The following PWP1 variants were observed in gnomAD, a reference collection of about 807,000 sequenced individuals.
PWP1 encodes PWP1 homolog, endonuclein.
A neutral mutation model predicts 69.9 loss-of-function variants in PWP1; 47 were observed. That is an observed-to-expected ratio of 0.67 (90% CI 0.53 to 0.86). The LOEUF is 0.86. Among genes scored for constraint, PWP1 ranks in the 40% least tolerant of loss-of-function variants. The pLI is 0.00. For synonymous variants in PWP1, 222 were observed against 208.2 expected (o/e 1.07, Z -0.57); for missense variants, 551 against 608.8 (o/e 0.91, Z 1.00).
At chr12:107,689,606 C>T (rs145882899) in intron 3 of PWP1, among the ~76,000 whole-genome samples, 5 of 152,246 alleles carry the variant, frequency 3.3e-5, no homozygotes, top group Non-Finnish European at 5.9e-5. Context: ...CTTAGCCAGG[C>T]GTGGTGGCGC....
chr12:107,698,375 G>C (rs1372204750), intron 7 of PWP1, among the ~76,000 whole-genome samples: 1 of 151,868 alleles, frequency 6.6e-6, no homozygotes, highest in African/African-American at 2.4e-5. Context: ...AAAAAGAACT[G>C]CTAGGCCAGT....
rs1889893686 is a variant in PWP1 at position 107,709,251 on chromosome 12, A to T, written c.1290+19A>T. The T allele has an allele frequency of 1.2e-5, 19 of 1,609,114 alleles. No individual in the cohort carries two copies. Among genetic ancestry groups the T allele is most frequent in the Non-Finnish European group, 1.5e-5 (18 of 1,177,412 alleles). ...GAAAATGGTAAGAATCTCCCTGGGTATCTGTTTTTTATTTATTCTGTTTCT... is the reference window on the plus strand; with the variant it reads ...GAAAATGGTAAGAATCTCCCTGGGTTTCTGTTTTTTATTTATTCTGTTTCT... On this transcript the variant is annotated intron_variant, in intron 13 of 14. Transcript: ENST00000412830.
chr12:107,698,537 A>G (rs1889639450), intron 7 of PWP1, among the ~76,000 whole-genome samples: 2 of 152,212 alleles, frequency 1.3e-5, no homozygotes. Flanking sequence ...CTAAAAAAAT[A>G]AACTACTATA....
At chr12:107,704,427 G>A (rs916502383) in intron 10 of PWP1, among the ~76,000 whole-genome samples, 2 of 152,182 alleles carry the variant, frequency 1.3e-5, no homozygotes, top group Non-Finnish European at 2.9e-5. Flanking sequence ...CCACTGTAAC[G>A]TTAGAGGCAC....
chr12:107,690,586 C>A (rs1451080273), intron 3 of PWP1, among the ~76,000 whole-genome samples: 1 of 152,124 alleles, frequency 6.6e-6, no homozygotes, highest in Admixed American at 6.5e-5. Flanking sequence ...GCCTTAGCCT[C>A]CCGAATGCTG....
chr12:107,710,576 C>T, intron 14 of PWP1, 66 bp downstream of exon 14: 1 of 1,293,868 alleles, frequency 7.7e-7, no homozygotes, highest in Non-Finnish European at 1.0e-6. Flanking sequence ...AAAAAAAAGA[C>T]AGGGTCTCAC....
At chr12:107,686,274 G>A (rs1340971773) in intron 1 of PWP1, 5 of 495,000 alleles carry the variant, frequency 1.0e-5, no homozygotes, top group East Asian at 3.3e-5. Context: ...TTTTTGGTGG[G>A]TAATACCCCA....
At position 107,685,965 on chromosome 12, in the gene PWP1, A is replaced by G. The variant is rs1201667572; in HGVS notation, c.66A>G (p.Pro22=). The G allele has an allele frequency of 1.9e-6, 3 of 1,613,936 alleles. No individual in the cohort carries two copies. Among genetic ancestry groups the G allele is most frequent in the Non-Finnish European group, 2.5e-6 (3 of 1,179,966 alleles). Residue 22 remains proline (P), a synonymous_variant, in exon 1 of 15, where the codon CCA becomes CCG. Coordinates refer to ENST00000412830, the MANE Select transcript of PWP1 (RefSeq NM_007062.3). ...GCTGCGGCGTGGCCAAAGAGACACC[A>G]GACAAGGTGAGGCCTGGTCGCTGGG... The part of the protein sequence containing the change: ...WVRCGVAKET[P]DKVELSKEEV...
chr12:107,696,533 C>T lies in PWP1; in HGVS notation c.562C>T (p.Pro188Ser). Residue 188 changes from proline to serine, a missense_variant, in exon 6 of 15, where the codon CCT (proline) becomes TCT (serine). Pro to Ser is a moderately conservative substitution (Grantham distance 74). Transcript: ENST00000412830. ...VHHDILLSAYPLSVEWLNFDP... is the reference protein window; with the variant it reads ...VHHDILLSAYSLSVEWLNFDP... ...CCATGATATACTCTTGTCTGCATAT[C>T]CTCTGAGTGTGGAATGGCTGAATTT... The T allele has an allele frequency of 1.2e-6, 2 of 1,614,054 alleles. No individual in the cohort carries two copies. Among genetic ancestry groups the T allele is most frequent in the South Asian group, 2.2e-5 (2 of 91,080 alleles).
intron 8 of PWP1, among the ~76,000 whole-genome samples, 157 bp from the exon 9 acceptor site, chr12:107,702,778 T>C (rs1889738524): frequency 6.6e-6 from 1 of 152,236 alleles, no homozygotes; most frequent in Non-Finnish European, 1.5e-5. Context: ...TTTCATAATC[T>C]TCGGTAGTTT....
chr12:107,710,633 G>C, intron 14 of PWP1, 123 bp downstream of exon 14: 1 of 1,405,498 alleles, frequency 7.1e-7, no homozygotes, highest in Non-Finnish European at 9.3e-7. Flanking sequence ...AGCAATCCTT[G>C]GTCCTCAGCC....
intron 1 of PWP1, among the ~76,000 whole-genome samples, chr12:107,686,592 TTAAG>T (rs1178937095): frequency 6.6e-6 from 1 of 152,220 alleles, no homozygotes; most frequent in Non-Finnish European, 1.5e-5. Context: ...TGACGATTAC[TTAAG>T]TAATTTCCTC....
At position 107,704,751 on chromosome 12, in the gene PWP1, A is replaced by G. The variant is rs775562875; in HGVS notation, c.1077+4A>G. On this transcript the variant is annotated splice_donor_region_variant and intron_variant, in intron 11 of 14. Transcript: ENST00000412830. ...CTTTTCACCTTGTCATTTCTTGGTA[A>G]GAGTACGAATGTTGTTGTTTTGCTT... 1.2e-6 allele frequency: 2 copies of G among 1,610,756 alleles called. No individual in the cohort carries two copies. The highest frequency in any genetic ancestry group is 4.5e-5 in the East Asian group (2 of 44,852).
At chr12:107,708,496 T>C (rs1294955995) in intron 11 of PWP1, among the ~76,000 whole-genome samples, 1 of 152,222 alleles carries the variant, frequency 6.6e-6, no homozygotes, top group Non-Finnish European at 1.5e-5. Context: ...CCTTATCTGA[T>C]TGAATTTCTC....
intron 3 of PWP1, among the ~76,000 whole-genome samples, chr12:107,689,259 G>A (rs1199103368): frequency 1.3e-5 from 2 of 152,140 alleles, no homozygotes; most frequent in African/African-American, 4.8e-5. Context: ...CTTTGGGAGA[G>A]ATGACTTTCA....
intron 5 of PWP1, among the ~76,000 whole-genome samples, chr12:107,696,137 A>G (rs1004303196): frequency 1.4e-5 from 2 of 145,422 alleles, no homozygotes; most frequent in African/African-American, 5.1e-5. Flanking sequence ...GGTTCAAGCT[A>G]TTCTCCTGCC....
At chr12:107,695,593 A>G (rs112962159) in intron 5 of PWP1, among the ~76,000 whole-genome samples, 5,362 of 152,304 alleles carry the variant, frequency 0.035, 118 homozygotes, top group Non-Finnish European at 0.043. Flanking sequence ...TGATTTTACA[A>G]TGTTTTTGCT....
At chr12:107,697,355 G>A in intron 6 of PWP1, 112 bp from the exon 7 acceptor site, 1 of 1,095,216 alleles carries the variant, frequency 9.1e-7, no homozygotes, top group Non-Finnish European at 1.2e-6. Context: ...ATATAAGTTT[G>A]AGAAGCACTG....
chr12:107,700,362 G>C (rs1889682620), intron 8 of PWP1, among the ~76,000 whole-genome samples: 1 of 151,776 alleles, frequency 6.6e-6, no homozygotes, highest in African/African-American at 2.4e-5. Context: ...CCCACCCCCA[G>C]CCCTGGCAAC....
Sources: gnomAD v4.1 joint callset for allele counts (sites outside exome capture counted in the v4.1 genomes callset) on GRCh38, gnomAD v4.1.1 for gene constraint, MANE v1.5 for transcripts, NCBI Gene and HGNC (gene_info 2026-07-23, HGNC 2026-07-21) for gene names.